The following TBC1D32 variants were observed in gnomAD, a reference collection of about 807,000 sequenced individuals.
The protein encoded by TBC1D32 is TBC1 domain family member 32, also known as protein broad-minded.
TBC1D32 carries 151 observed loss-of-function variants against 170.3 expected under a neutral mutation model. That is an observed-to-expected ratio of 0.89 (90% CI 0.78 to 1.01). The LOEUF is 1.01. Among genes scored for constraint, TBC1D32 ranks in the 50% least tolerant of loss-of-function variants. TBC1D32 has a pLI of 0.00. For synonymous variants in TBC1D32, 498 were observed against 488.0 expected, an observed-to-expected ratio of 1.02 and a Z score of -0.27; for missense variants, 1,464 against 1,457.1, an observed-to-expected ratio of 1.00 and a Z score of -0.08.
chr6:121,176,565 T>A (rs1037614631), intron 22 of TBC1D32, among the ~76,000 whole-genome samples: 2 of 152,076 alleles, frequency 1.3e-5, no homozygotes, highest in African/African-American at 4.8e-5. Flanking sequence ...ACAGTTTACT[T>A]GGCATCCCTA....
intron 24 of TBC1D32, among the ~76,000 whole-genome samples, chr6:121,146,791 T>C (rs988010881): frequency 6.6e-6 from 1 of 152,204 alleles, no homozygotes; most frequent in Non-Finnish European, 1.5e-5. Flanking sequence ...TACTCAAAAG[T>C]GTTCATTTAA....
chr6:121,147,668 T>C (rs1483204357), intron 24 of TBC1D32, among the ~76,000 whole-genome samples: 2 of 152,104 alleles, frequency 1.3e-5, no homozygotes, highest in Admixed American at 1.3e-4. Flanking sequence ...CTCGGCTCAC[T>C]GCAAACTCCA....
At chr6:121,095,342 G>A (rs1039505994) in intron 30 of TBC1D32, among the ~76,000 whole-genome samples, 3 of 152,100 alleles carry the variant, frequency 2.0e-5, no homozygotes, top group Non-Finnish European at 1.5e-5. Context: ...ATTCCTCCTT[G>A]TAACTAGAAT....
At chr6:121,087,137 C>G (rs576528707) in intron 31 of TBC1D32, among the ~76,000 whole-genome samples, 57 of 152,296 alleles carry the variant, frequency 3.7e-4, no homozygotes, top group Admixed American at 2.2e-3. Context: ...AGCCCACATT[C>G]TTGTTGTGTC....
In TBC1D32 at chr6:121,080,342, C is replaced by G. The variant is rs1240207179; in HGVS notation, c.*429G>C. ...AAGCGATTCTCCTGCCTCAGCCTCC[C>G]AAGTAGCAGGGACTACAGGCGCATC... On this transcript the variant is annotated 3_prime_UTR_variant, in exon 32 of 32. Coordinates refer to ENST00000398212, the MANE Select transcript of TBC1D32 (RefSeq NM_152730.6). 3.1e-6 allele frequency: 1 copy of G among 324,962 alleles called. No homozygotes were observed. The highest frequency in any genetic ancestry group is 6.4e-6 in the Non-Finnish European group (1 of 155,612). The allele number at this position is 324,962 out of a possible 1,614,324, so 20.1% of individuals were successfully genotyped here. A position where few individuals can be genotyped will look rare whatever the true frequency, so the allele number is the denominator to read the frequency against.
chr6:121,242,184 C>A lies in TBC1D32; in HGVS notation c.2157+17G>T. ...CCACAAAAATTCCCTTTGCCTTTGG[C>A]AGATGGTAATTCATACCTGTAATTT... On this transcript the variant is annotated intron_variant, in intron 18 of 31. Transcript: ENST00000398212. 6.2e-7 allele frequency: 1 copy of A among 1,605,772 alleles called. No individual in the cohort carries two copies. Among genetic ancestry groups the A allele is most frequent in the South Asian group, 1.1e-5 (1 of 89,368 alleles).
At chr6:121,151,664 G>T (rs1239268018) in intron 24 of TBC1D32, among the ~76,000 whole-genome samples, 1 of 152,170 alleles carries the variant, frequency 6.6e-6, no homozygotes, top group Non-Finnish European at 1.5e-5. Flanking sequence ...CTAAGAACTT[G>T]CTTTATGAAT....
At chr6:121,181,972 T>C (rs182866039) in intron 22 of TBC1D32, among the ~76,000 whole-genome samples, 82 of 152,196 alleles carry the variant, frequency 5.4e-4, no homozygotes, top group Non-Finnish European at 9.1e-4. Context: ...TTACTCTGAT[T>C]TGATTACTAC....
chr6:121,124,323 T>G (rs1173862442), intron 26 of TBC1D32, among the ~76,000 whole-genome samples: 1 of 146,422 alleles, frequency 6.8e-6, no homozygotes, highest in Non-Finnish European at 1.5e-5. Context: ...CATGTTTTTA[T>G]TTTTTACTTT....
At chr6:121,267,047 G>T (rs1007785407) in intron 15 of TBC1D32, among the ~76,000 whole-genome samples, 5 of 146,954 alleles carry the variant, frequency 3.4e-5, no homozygotes, top group African/African-American at 1.3e-4. Context: ...TGCATGTTCT[G>T]CACATGTATC....
At chr6:121,087,124 T>G (rs957215893) in intron 31 of TBC1D32, among the ~76,000 whole-genome samples, 1 of 152,182 alleles carries the variant, frequency 6.6e-6, no homozygotes, top group Non-Finnish European at 1.5e-5. Context: ...TGCTCTAATA[T>G]CCAGCCCACA....
At chr6:121,323,871 C>T (rs919280653) in intron 1 of TBC1D32, among the ~76,000 whole-genome samples, 7 of 152,158 alleles carry the variant, frequency 4.6e-5, no homozygotes, top group Admixed American at 1.3e-4. Context: ...ACCCGGGAGG[C>T]GGAGGTTGCA....
intron 14 of TBC1D32, among the ~76,000 whole-genome samples, chr6:121,281,322 AAC>A (rs1491057047): frequency 2.1e-5 from 3 of 145,528 alleles, no homozygotes; most frequent in Admixed American, 6.8e-5. Context: ...ATTAAAAAAA[AAC>A]TTAGATATTC....
At chr6:121,292,223 TTTAG>T (rs765937744) in intron 11 of TBC1D32, 30 bp from the exon 12 acceptor site, 1 of 1,556,494 alleles carries the variant, frequency 6.4e-7, no homozygotes, top group Non-Finnish European at 8.7e-7. Flanking sequence ...CGAATATTTA[TTTAG>T]TATCATTATA....
rs190794533 is a variant in TBC1D32 at position 121,305,869 on chromosome 6, T to C, written c.691-1036A>G. On this transcript the variant is annotated intron_variant, in intron 5 of 31. Coordinates refer to ENST00000398212, the MANE Select transcript of TBC1D32 (RefSeq NM_152730.6). Reference sequence around the variant, plus strand: ...TGTTTTCTACTTCAAAATGACTAATTTTATTACCATCTCTCCTCTATAATA... The same window carrying C: ...TGTTTTCTACTTCAAAATGACTAATCTTATTACCATCTCTCCTCTATAATA... 2.6e-3 allele frequency among the ~76,000 whole-genome samples: 397 copies of C among 152,190 alleles called. 1 individual carries two copies. Among genetic ancestry groups the C allele is most frequent in the Admixed American group, 8.0e-3 (123 of 15,296 alleles).
chr6:121,252,106 C>T (rs753910325), intron 17 of TBC1D32, among the ~76,000 whole-genome samples: 2 of 152,084 alleles, frequency 1.3e-5, no homozygotes, highest in African/African-American at 2.4e-5. Context: ...GAAATAGGGA[C>T]GATTTTACAC....
chr6:121,118,788 C>G (rs1262912391), intron 26 of TBC1D32, among the ~76,000 whole-genome samples: 3 of 152,128 alleles, frequency 2.0e-5, no homozygotes, highest in African/African-American at 7.2e-5. Flanking sequence ...CAAAGTCAGT[C>G]TGTAAGTTCT....
In TBC1D32 at chr6:121,184,794, A is replaced by G. The variant is rs75333884; in HGVS notation, c.2570+20281T>C. On this transcript the variant is annotated intron_variant, in intron 22 of 31. Transcript: ENST00000398212. ...GTTAAATAACTATTCTTATTTTGTG[A>G]TCCTCAATTTGATAAACATAATTTT... Among the ~76,000 whole-genome samples the G allele has an allele frequency of 8.4e-3, 1,280 of 151,774 alleles. 12 individuals are homozygous for G. The highest frequency in any genetic ancestry group is 0.014 in the Non-Finnish European group (925 of 67,914).
At chr6:121,204,403 A>T (rs1791966375) in intron 22 of TBC1D32, among the ~76,000 whole-genome samples, 1 of 151,250 alleles carries the variant, frequency 6.6e-6, no homozygotes, top group Admixed American at 6.6e-5. Flanking sequence ...AAGTCTAAAA[A>T]AGTTACTTTG....
Sources: allele counts gnomAD v4.1 joint callset (sites outside exome capture counted in the v4.1 genomes callset), GRCh38; gene constraint gnomAD v4.1.1; transcripts MANE v1.5; gene names NCBI Gene and HGNC (gene_info 2026-07-23, HGNC 2026-07-21).